CAV2: variants seen among roughly 807,000 people sequenced by gnomAD.
CAV2 encodes the protein caveolin-2.
A neutral mutation model predicts 15.5 loss-of-function variants in CAV2; 7 were observed. That is an observed-to-expected ratio of 0.45 (90% CI 0.26 to 0.85). CAV2 has a LOEUF of 0.85. CAV2 is among the 40% of genes least tolerant of loss of function. The pLI, the probability that CAV2 is intolerant of heterozygous loss-of-function variation, is 0.18. For missense variants in CAV2, 229 were observed against 208.8 expected, an observed-to-expected ratio of 1.10 and a Z score of -0.60; for synonymous variants, 76 against 83.1, an observed-to-expected ratio of 0.91 and a Z score of 0.46.
intron 2 of CAV2, among the ~76,000 whole-genome samples, chr7:116,504,772 G>A (rs1439341204): frequency 6.6e-6 from 1 of 152,116 alleles, no homozygotes; most frequent in African/African-American, 2.4e-5. Context: ...TAACCATCCT[G>A]AGGACTATAA....
In CAV2 at chr7:116,506,394, A is replaced by G; in HGVS notation, c.*273A>G. 3.0e-6 allele frequency: 1 copy of G among 329,128 alleles called. No individual in the cohort carries two copies. Among genetic ancestry groups the G allele is most frequent in the Non-Finnish European group, 5.5e-6 (1 of 181,808 alleles). 20.4% of individuals were successfully genotyped at this position (329,128 alleles called of 1,614,324 possible). On this transcript the variant is annotated 3_prime_UTR_variant, in exon 3 of 3. Transcript: ENST00000222693. ...AGGCAGACAGTTTTGCTTTAGTACA[A>G]TAGTATACATTTTATAATGATGAAC...
rs769998963 is a variant in CAV2 at position 116,500,457 on chromosome 7, G to C, written c.338+10G>C. On this transcript the variant is annotated intron_variant, in intron 2 of 2. Coordinates refer to ENST00000222693, the MANE Select transcript of CAV2 (RefSeq NM_001233.5). ...GCTGTCTGCACATCTGGTGAGACGG[G>C]GCACACCGGGTGGACCGGCTTTCTG... 6.2e-7 allele frequency: 1 copy of C among 1,610,074 alleles called. No homozygotes were observed. Among genetic ancestry groups the C allele is most frequent in the Non-Finnish European group, 8.5e-7 (1 of 1,177,844 alleles).
Position 116,507,671 on chromosome 7 carries a change from CAAAAAAA to C in CAV2, c.*1555_*1561del, listed in dbSNP as rs535101035. 8.8e-6 allele frequency: 1 copy of C among 113,280 alleles called. No homozygotes were observed. The highest frequency in any genetic ancestry group is 3.1e-5 in the African/African-American group (1 of 31,920). The allele number at this position is 113,280 out of a possible 1,614,324, so 7.0% of individuals were successfully genotyped here. ...CTGGCAACAGAGCAAGAGTCTGTCT[CAAAAAAA>C]AAAAGAAAAAAAGAAAAAAAGAAAA... On this transcript the variant is annotated 3_prime_UTR_variant, in exon 3 of 3. Coordinates refer to ENST00000222693, the MANE Select transcript of CAV2 (RefSeq NM_001233.5).
chr7:116,503,899 G>A (rs1346958643), intron 2 of CAV2, among the ~76,000 whole-genome samples: 3 of 26,616 alleles, frequency 1.1e-4, no homozygotes, highest in Non-Finnish European at 1.7e-4. Context: ...GGGAGGGAGG[G>A]AGGGAGGGAG....
rs745944749 is a variant in CAV2, at chr7:116,500,456, G to C, written c.338+9G>C. The stretch of plus-strand genomic sequence containing the variant: ...AGCTGTCTGCACATCTGGTGAGACG[G>C]GGCACACCGGGTGGACCGGCTTTCT... On this transcript the variant is annotated intron_variant, in intron 2 of 2. Transcript: ENST00000222693. The C allele has an allele frequency of 1.3e-6, 2 of 1,588,656 alleles. No homozygotes were observed. The highest frequency in any genetic ancestry group is 1.4e-5 in the African/African-American group (1 of 72,522).
chr7:116,507,030 G>C lies in CAV2; in HGVS notation c.*909G>C, dbSNP rs1793253270. The C allele has an allele frequency of 6.6e-6, 1 of 152,552 alleles. No individual in the cohort carries two copies. 9.4% of individuals were successfully genotyped at this position (152,552 alleles called of 1,614,324 possible). On this transcript the variant is annotated 3_prime_UTR_variant, in exon 3 of 3. Transcript: ENST00000222693. ...TCTTAAAATAATTCATATCTAAATA[G>C]TATTTTGTCTAGGAGATGCTTTCTC...
Position 116,508,047 on chromosome 7 carries a change from A to G in CAV2, c.*1926A>G, listed in dbSNP as rs1173895118. 1 of 152,234 alleles carries G rather than the reference A, an allele frequency of 6.6e-6. No individual in the cohort carries two copies. The highest frequency in any genetic ancestry group is 1.5e-5 in the Non-Finnish European group (1 of 68,044). The allele number at this position is 152,234 out of a possible 1,614,324, so 9.4% of individuals were successfully genotyped here. ...CCCTAGGCCATTGCAGCATCCTTAGATGGGACGCATAATCATTACCTTAAA... is the reference window on the plus strand; with the variant it reads ...CCCTAGGCCATTGCAGCATCCTTAGGTGGGACGCATAATCATTACCTTAAA... On this transcript the variant is annotated 3_prime_UTR_variant, in exon 3 of 3. Coordinates refer to ENST00000222693, the MANE Select transcript of CAV2 (RefSeq NM_001233.5).
At chr7:116,502,449 A>T (rs540249194) in intron 2 of CAV2, among the ~76,000 whole-genome samples, 1 of 150,604 alleles carries the variant, frequency 6.6e-6, no homozygotes, top group African/African-American at 2.4e-5. Context: ...GTAGAGGAGT[A>T]ATTTCAAACA....
In CAV2 at chr7:116,507,280, C is replaced by A. The variant is rs1793259265; in HGVS notation, c.*1159C>A. 6.6e-6 allele frequency: 1 copy of A among 152,220 alleles called. No individual in the cohort carries two copies. The highest frequency in any genetic ancestry group is 2.4e-5 in the African/African-American group (1 of 41,422). The allele number at this position is 152,220 out of a possible 1,614,324, so 9.4% of individuals were successfully genotyped here. On this transcript the variant is annotated 3_prime_UTR_variant, in exon 3 of 3. Transcript: ENST00000222693. Reference sequence around the variant, plus strand: ...TAACAGCTACAAACTTTTAAGATTTCTCTAATATTGGTATGTAACACAGGA... The same window carrying A: ...TAACAGCTACAAACTTTTAAGATTTATCTAATATTGGTATGTAACACAGGA...
intron 2 of CAV2, chr7:116,500,842 C>T (rs1042459997): frequency 4.0e-5 from 7 of 174,248 alleles, no homozygotes; most frequent in Non-Finnish European, 7.3e-5. Context: ...ACTGCCTGTG[C>T]TTGGGGTAAA....
rs1346419896 is a variant in CAV2 at position 116,507,230 on chromosome 7, T to C, written c.*1109T>C. 3.3e-5 allele frequency: 5 copies of C among 152,566 alleles called. No individual in the cohort carries two copies. In the East Asian group the frequency reaches 9.6e-4, roughly 29 times the overall value. The allele number at this position is 152,566 out of a possible 1,614,324, so 9.5% of individuals were successfully genotyped here. The stretch of plus-strand genomic sequence containing the variant: ...CAGGGGAGTTGTCAACTTGGGCTAC[T>C]GAACTACATGCATAAACTAAAAACT... On this transcript the variant is annotated 3_prime_UTR_variant, in exon 3 of 3. Transcript: ENST00000222693.
At position 116,500,114 on chromosome 7, in the gene CAV2, G is replaced by C. The variant is rs1793057550; in HGVS notation, c.151-146G>C. The C allele has an allele frequency of 6.7e-5, 99 of 1,471,032 alleles. No individual in the cohort carries two copies. The South Asian group carries it at 1.3e-3, about 20-fold the overall frequency. The allele number at this position is 1,471,032 out of a possible 1,614,324, so 91.1% of individuals were successfully genotyped here. ...CGCGTAGCCAGGAATTCTTAGCCAGGTTCCTGTGCGCCCACCGTGACCCTA... is the reference window on the plus strand; with the variant it reads ...CGCGTAGCCAGGAATTCTTAGCCAGCTTCCTGTGCGCCCACCGTGACCCTA... On this transcript the variant is annotated intron_variant, in intron 1 of 2. Coordinates refer to ENST00000222693, the MANE Select transcript of CAV2 (RefSeq NM_001233.5).
rs1793297942 is a variant in CAV2, at chr7:116,508,496, G to A, written c.*2375G>A. On this transcript the variant is annotated 3_prime_UTR_variant, in exon 3 of 3. Transcript: ENST00000222693. ...TTATTTGGGGCTGGGGGAGGTATAT[G>A]ATGAGCAGACTTCTCGGAATTCATA... 1 of 152,072 alleles carries A rather than the reference G, an allele frequency of 6.6e-6. No individual in the cohort carries two copies. The highest frequency in any genetic ancestry group is 1.5e-5 in the Non-Finnish European group (1 of 68,018). 9.4% of individuals were successfully genotyped at this position (152,072 alleles called of 1,614,324 possible).
At position 116,500,435 on chromosome 7, in the gene CAV2, G is replaced by C. The variant is rs1265082469; in HGVS notation, c.326G>C (p.Cys109Ser). 1 of 1,613,282 alleles carries C rather than the reference G, an allele frequency of 6.2e-7. No individual in the cohort carries two copies. Among genetic ancestry groups the C allele is most frequent in the Non-Finnish European group, 8.5e-7 (1 of 1,179,662 alleles). The change falls in exon 2 of 3, where the codon TGT becomes TCT. Residue 109 changes from cysteine (C) to serine (S), a missense_variant. Cys to Ser is a moderately radical substitution (Grantham distance 112). Transcript: ENST00000222693. ...IAGILFATLS[C>S]LHIWILMPFV... ...GGAATTCTCTTTGCCACCCTCAGCT[G>C]TCTGCACATCTGGTGAGACGGGGCA...
chr7:116,500,697 A>G, intron 2 of CAV2: 1 of 466,296 alleles, frequency 2.1e-6, no homozygotes, highest in Non-Finnish European at 3.8e-6. Flanking sequence ...TTGCATACAT[A>G]AGGCTGGGCT....
In CAV2 at chr7:116,499,950, G is replaced by T; in HGVS notation, c.150+19G>T. ...TCTCAAGGTGAAGCCCGGGGCGGGC[G>T]GGCCCAAGTCCCCGCTGAGGCCGGG... On this transcript the variant is annotated intron_variant, in intron 1 of 2. Transcript: ENST00000222693. 6.2e-7 allele frequency: 1 copy of T among 1,607,782 alleles called. No homozygotes were observed. Among genetic ancestry groups the T allele is most frequent in the African/African-American group, 1.3e-5 (1 of 74,736 alleles).
rs2535219 is a variant in CAV2 at position 116,499,945 on chromosome 7, C to T, written c.150+14C>T. 2.5e-6 allele frequency: 4 copies of T among 1,608,586 alleles called. No individual in the cohort carries two copies. Among genetic ancestry groups the T allele is most frequent in the East Asian group, 2.2e-5 (1 of 44,660 alleles). On this transcript the variant is annotated intron_variant, in intron 1 of 2. Transcript: ENST00000222693. ...TCGCATCTCAAGGTGAAGCCCGGGG[C>T]GGGCGGGCCCAAGTCCCCGCTGAGG...
chr7:116,502,838 A>C (rs1160439537), intron 2 of CAV2, among the ~76,000 whole-genome samples: 1 of 152,328 alleles, frequency 6.6e-6, no homozygotes, highest in South Asian at 2.1e-4. Flanking sequence ...AATTAGTTGG[A>C]TTCCATACTA....
chr7:116,505,884 C>G, intron 2 of CAV2, 87 bp from the exon 3 acceptor site: 1 of 766,014 alleles, frequency 1.3e-6, no homozygotes, highest in Non-Finnish European at 2.1e-6. Flanking sequence ...GTAAATGGGT[C>G]AGTATTTTAT....
Sources: allele counts gnomAD v4.1 joint callset (sites outside exome capture counted in the v4.1 genomes callset), GRCh38; gene constraint gnomAD v4.1.1; transcripts MANE v1.5; gene names NCBI Gene and HGNC (gene_info 2026-07-23, HGNC 2026-07-21).